UNC13B: variants seen among roughly 807,000 people sequenced by gnomAD.
UNC13B encodes unc-13 homolog B.
UNC13B carries 144 observed loss-of-function variants against 211.0 expected under a neutral mutation model. That is an observed-to-expected ratio of 0.68 (90% CI 0.60 to 0.78). The LOEUF is 0.78. UNC13B is among the 30% of genes least tolerant of loss of function. UNC13B has a pLI of 0.00. For synonymous variants in UNC13B, 709 were observed against 725.8 expected (o/e 0.98, Z 0.37); for missense variants, 1,777 against 2,002.0 (o/e 0.89, Z 2.14).
Position 35,231,338 on chromosome 9 carries a change from CTG to C in UNC13B, c.152+121_152+122del. On this transcript the variant is annotated intron_variant, in intron 3 of 39. Coordinates refer to ENST00000635942, the MANE Select transcript of UNC13B (RefSeq NM_001371189.2). The stretch of plus-strand genomic sequence containing the variant: ...TTGAGATTTATAAAATGTACTGGCA[CTG>C]TTAAATACTGTTTTGAAAACTGTGG... The C allele has an allele frequency of 8.0e-6, 5 of 621,244 alleles. No homozygotes were observed. In the South Asian group the frequency reaches 1.1e-4, roughly 14 times the overall value. 38.5% of individuals were successfully genotyped at this position (621,244 alleles called of 1,614,324 possible).
Position 35,397,254 on chromosome 9 carries a change from A to G in UNC13B, c.11620A>G (p.Lys3874Glu). The change falls in exon 29 of 40, where the codon AAG becomes GAG. Residue 3874 changes from lysine to glutamate, a missense_variant. Lys to Glu is a moderately conservative substitution (Grantham distance 56, BLOSUM62 1). Coordinates refer to ENST00000635942, the MANE Select transcript of UNC13B (RefSeq NM_001371189.2). ...CAATCAGAGCTTTGAGATCATCCGGAAGCTGGAATGCCCAGACCCCAGCAT... is the reference window on the plus strand; with the variant it reads ...CAATCAGAGCTTTGAGATCATCCGGGAGCTGGAATGCCCAGACCCCAGCAT... ...QLNQSFEIIRKLECPDPSILA... is the reference protein window; with the variant it reads ...QLNQSFEIIRELECPDPSILA... 1 of 1,614,162 alleles carries G rather than the reference A, an allele frequency of 6.2e-7. No individual in the cohort carries two copies. Among genetic ancestry groups the G allele is most frequent in the South Asian group, 1.1e-5 (1 of 91,068 alleles).
chr9:35,396,678 A>G lies in UNC13B; in HGVS notation c.11435+76A>G, dbSNP rs111660209. On this transcript the variant is annotated intron_variant, in intron 27 of 39. Transcript: ENST00000635942. ...AGGGCTAGTATCCCCAATTCATTTC[A>G]GCAAGCCAGTCTCGGGGACTGCCTG... The G allele has an allele frequency of 9.6e-4, 1,541 of 1,602,966 alleles. 20 individuals are homozygous for G. The African/African-American group carries it at 0.015, about 16-fold the overall frequency.
intron 7 of UNC13B, among the ~76,000 whole-genome samples, chr9:35,290,798 TA>T: frequency 6.6e-6 from 1 of 152,104 alleles, no homozygotes; most frequent in East Asian, 2.0e-4. Flanking sequence ...ATGGAAGAAG[TA>T]ATTTTTTGTT....
intron 9 of UNC13B, among the ~76,000 whole-genome samples, chr9:35,308,990 A>G (rs1038034327): frequency 2.6e-5 from 4 of 152,162 alleles, no homozygotes; most frequent in Non-Finnish European, 4.4e-5. Context: ...CTTCCATGGT[A>G]TCATCTCTGC....
chr9:35,294,099 G>C, intron 7 of UNC13B, among the ~76,000 whole-genome samples: 1 of 151,202 alleles, frequency 6.6e-6, no homozygotes, highest in South Asian at 2.1e-4. Flanking sequence ...CTACCAACTT[G>C]TCTAATGAAG....
intron 1 of UNC13B, among the ~76,000 whole-genome samples, chr9:35,190,709 T>G (rs1822611677): frequency 6.6e-6 from 1 of 152,114 alleles, no homozygotes; most frequent in Admixed American, 6.5e-5. Flanking sequence ...AAAAAAGACT[T>G]TTTCCAGAAA....
intron 1 of UNC13B, among the ~76,000 whole-genome samples, chr9:35,206,828 C>G (rs1174370222): frequency 6.8e-6 from 1 of 147,912 alleles, no homozygotes. Context: ...GAGCTGAGAT[C>G]GCGCCACTGC....
chr9:35,334,257 C>T (rs967755665), intron 11 of UNC13B, among the ~76,000 whole-genome samples: 5 of 152,218 alleles, frequency 3.3e-5, no homozygotes, highest in African/African-American at 1.2e-4. Context: ...TGAGCCACTG[C>T]ACCTAGCCCT....
intron 7 of UNC13B, among the ~76,000 whole-genome samples, chr9:35,261,350 A>G (rs1036634851): frequency 6.6e-6 from 1 of 152,218 alleles, no homozygotes; most frequent in Admixed American, 6.5e-5. Context: ...CTGAAATACC[A>G]TGATCACAAT....
chr9:35,319,407 A>C (rs1830625961), intron 11 of UNC13B, among the ~76,000 whole-genome samples: 1 of 48,080 alleles, frequency 2.1e-5, no homozygotes. Flanking sequence ...TATCTCAAAA[A>C]AAAAAAAAAA....
chr9:35,316,577 T>C (rs974372775), intron 11 of UNC13B, among the ~76,000 whole-genome samples: 1 of 152,300 alleles, frequency 6.6e-6, no homozygotes, highest in East Asian at 1.9e-4. Context: ...CTCTAAAATC[T>C]TGGAAAGAGA....
Position 35,386,310 on chromosome 9 carries a change from C to T in UNC13B, c.11094+17C>T, listed in dbSNP as rs981545493. ...TACCAGCTGGTAAGAGGTTCAGGATCAGGTGGGGCCAGCTGTCAGTGGCTC... is the reference window on the plus strand; with the variant it reads ...TACCAGCTGGTAAGAGGTTCAGGATTAGGTGGGGCCAGCTGTCAGTGGCTC... On this transcript the variant is annotated intron_variant, in intron 24 of 39. Transcript: ENST00000635942. The T allele has an allele frequency of 5.6e-6, 9 of 1,613,504 alleles. No homozygotes were observed. Among genetic ancestry groups the T allele is most frequent in the Non-Finnish European group, 7.6e-6 (9 of 1,179,830 alleles).
At chr9:35,342,030 A>G (rs1832029249) in intron 11 of UNC13B, 3 of 985,344 alleles carry the variant, frequency 3.0e-6, no homozygotes, top group South Asian at 4.7e-5. Context: ...CTACGTTTGC[A>G]GCCAGTGAGA....
intron 11 of UNC13B, chr9:35,361,879 A>T (rs886684766): frequency 6.6e-6 from 1 of 152,090 alleles, no homozygotes; most frequent in African/African-American, 2.4e-5. Flanking sequence ...TGTGGGAGGG[A>T]GGTGTGAAAA....
In UNC13B at chr9:35,302,954, T is replaced by C; in HGVS notation, c.3550T>C (p.Ser1184Pro). 7.5e-6 allele frequency: 3 copies of C among 398,702 alleles called. No individual in the cohort carries two copies. The East Asian group carries it at 1.1e-4, about 14-fold the overall frequency. The allele number at this position is 398,702 out of a possible 1,614,324, so 24.7% of individuals were successfully genotyped here. A position where few individuals can be genotyped will look rare whatever the true frequency, so the allele number is the denominator to read the frequency against. Residue 1184 changes from serine (S) to proline (P), a missense_variant, in exon 9 of 40, where the codon TCT (serine) becomes CCT (proline). Ser to Pro is a moderately conservative substitution (Grantham distance 74). Transcript: ENST00000635942. The part of the protein sequence containing the change: ...HHKNNTPGLI[S>P]GIFNLLSNSG... ...CAAGAATAATACCCCAGGTTTAATCTCTGGAATATTTAACCTGCTATCAAA... is the reference window on the plus strand; with the variant it reads ...CAAGAATAATACCCCAGGTTTAATCCCTGGAATATTTAACCTGCTATCAAA...
intron 7 of UNC13B, among the ~76,000 whole-genome samples, chr9:35,282,544 G>T (rs1322121568): frequency 6.6e-6 from 1 of 152,044 alleles, no homozygotes; most frequent in Non-Finnish European, 1.5e-5. Flanking sequence ...AGATTCTCCT[G>T]CTTTAGCCTC....
chr9:35,346,602 T>C (rs1440417384), intron 11 of UNC13B, among the ~76,000 whole-genome samples: 1 of 152,230 alleles, frequency 6.6e-6, no homozygotes, highest in Non-Finnish European at 1.5e-5. Flanking sequence ...CCTTTTCAAA[T>C]GCAGATAGTC....
chr9:35,374,691 G>C (rs1834282591), intron 13 of UNC13B, among the ~76,000 whole-genome samples: 1 of 152,238 alleles, frequency 6.6e-6, no homozygotes, highest in African/African-American at 2.4e-5. Flanking sequence ...AAGGTATAGA[G>C]GTTAGCATGG....
rs777639636 is a variant in UNC13B at position 35,403,875 on chromosome 9, G to A, written c.12865G>A (p.Gly4289Ser). The A allele has an allele frequency of 1.9e-6, 3 of 1,614,188 alleles. No homozygotes were observed. The Admixed American group carries it at 5.0e-5, about 27-fold the overall frequency. ...VMPLRDVTAK[G>S]SCACWCPLGR... is the part of the protein sequence containing the mutation. ...GCCTCTGAGGGATGTCACAGCCAAG[G>A]GCAGCTGTGCCTGCTGGTGCCCCTT... Residue 4289 changes from glycine (G) to serine (S), a missense_variant, in exon 40 of 40, where the codon GGC (glycine) becomes AGC (serine). By Grantham distance (56) the Gly-to-Ser change is moderately conservative. Coordinates refer to ENST00000635942, the MANE Select transcript of UNC13B (RefSeq NM_001371189.2).
Sources: gnomAD v4.1 joint callset for allele counts (sites outside exome capture counted in the v4.1 genomes callset) on GRCh38, gnomAD v4.1.1 for gene constraint, MANE v1.5 for transcripts, NCBI Gene and HGNC (gene_info 2026-07-23, HGNC 2026-07-21) for gene names.